Variants in DSCAML1 observed in about 807,000 individuals in gnomAD.
The protein encoded by DSCAML1 is cell adhesion molecule DSCAML1.
DSCAML1 carries 38 observed loss-of-function variants against 200.5 expected under a neutral mutation model. The observed-to-expected ratio is 0.19, with a 90% CI of 0.15 to 0.25. DSCAML1 has a LOEUF of 0.25. Among genes scored for constraint, DSCAML1 ranks in the 10% least tolerant of loss-of-function variants. DSCAML1 has a pLI of 1.00. For missense variants in DSCAML1, 2,223 were observed against 2,858.8 expected (o/e 0.78, Z 5.07); for synonymous variants, 1,215 against 1,165.0 (o/e 1.04, Z -0.87).
intron 3 of DSCAML1, among the ~76,000 whole-genome samples, chr11:117,595,089 C>CACACACACACACACACACACACACA (rs375717572): frequency 6.6e-6 from 1 of 151,390 alleles, no homozygotes; most frequent in Non-Finnish European, 1.5e-5. Context: ...CACACACACA[C>CACACACACACACACACACACACACA]CCTTTGATAT....
chr11:117,767,672 G>T (rs1001299291), intron 3 of DSCAML1, among the ~76,000 whole-genome samples: 6 of 152,194 alleles, frequency 3.9e-5, no homozygotes, highest in South Asian at 4.1e-4. Flanking sequence ...GAGGGAAACA[G>T]TAATTGCTGG....
intron 3 of DSCAML1, among the ~76,000 whole-genome samples, chr11:117,639,555 A>T (rs1201603157): frequency 6.7e-6 from 1 of 149,188 alleles, no homozygotes; most frequent in Non-Finnish European, 1.5e-5. Context: ...TGCCTTCCTA[A>T]TCTTGGGGCT....
At position 117,435,024 on chromosome 11, in the gene DSCAML1, A is replaced by G. The variant is rs116619371; in HGVS notation, c.4876+620T>C. Among the ~76,000 whole-genome samples the G allele has an allele frequency of 6.9e-3, 1,055 of 152,368 alleles. 7 individuals are homozygous for G. The highest frequency in any genetic ancestry group is 0.024 in the African/African-American group (1,015 of 41,592). ...TATAGTCTTGCAGTATCTATGATGAAGCAGACCCAATAAAAGTTTTCCAAA... is the reference window on the plus strand; with the variant it reads ...TATAGTCTTGCAGTATCTATGATGAGGCAGACCCAATAAAAGTTTTCCAAA... On this transcript the variant is annotated intron_variant, in intron 27 of 32. Coordinates refer to ENST00000651296, the MANE Select transcript of DSCAML1 (RefSeq NM_020693.4).
At chr11:117,679,443 T>C (rs1290897525) in intron 3 of DSCAML1, among the ~76,000 whole-genome samples, 1 of 152,240 alleles carries the variant, frequency 6.6e-6, no homozygotes, top group Non-Finnish European at 1.5e-5. Flanking sequence ...CCAAGGGCTA[T>C]TTTGAAACTT....
chr11:117,796,867 C>A (rs1002236680), intron 1 of DSCAML1, among the ~76,000 whole-genome samples, 167 bp downstream of exon 1: 1 of 152,116 alleles, frequency 6.6e-6, no homozygotes, highest in African/African-American at 2.4e-5. Flanking sequence ...GACTCTCACT[C>A]GGCCCCTGTC....
intron 14 of DSCAML1, among the ~76,000 whole-genome samples, chr11:117,479,711 C>T (rs1035521080): frequency 2.0e-5 from 3 of 152,034 alleles, no homozygotes; most frequent in Admixed American, 1.3e-4. Flanking sequence ...TGCAATGGCA[C>T]GATCTTGGTT....
At chr11:117,802,609 TC>T (rs2134085217) in intron 1 of DSCAML1, among the ~76,000 whole-genome samples, 1 of 152,292 alleles carries the variant, frequency 6.6e-6, no homozygotes, top group South Asian at 2.1e-4. Flanking sequence ...TATTGGAGTT[TC>T]TCGTCTCTAA....
At chr11:117,670,858 A>G (rs2053091682) in intron 3 of DSCAML1, among the ~76,000 whole-genome samples, 1 of 152,208 alleles carries the variant, frequency 6.6e-6, no homozygotes, top group Admixed American at 6.5e-5. Context: ...TGATGTTGAC[A>G]GTGAAATGAA....
intron 3 of DSCAML1, among the ~76,000 whole-genome samples, chr11:117,600,069 A>G (rs749339013): frequency 6.6e-5 from 10 of 152,346 alleles, no homozygotes; most frequent in African/African-American, 1.2e-4. Context: ...TAGAGCCCAC[A>G]TGGTAGAGGT....
intron 3 of DSCAML1, among the ~76,000 whole-genome samples, chr11:117,597,456 TTGTCTTTTTCGAG>T (rs2051384276): frequency 6.6e-6 from 1 of 152,182 alleles, no homozygotes; most frequent in Admixed American, 6.5e-5. Flanking sequence ...ATTATTTCTT[TTGTCTTTTTCGAG>T]ACGGAGTCTC....
At chr11:117,474,035 A>G (rs909036997) in intron 14 of DSCAML1, among the ~76,000 whole-genome samples, 1 of 152,092 alleles carries the variant, frequency 6.6e-6, no homozygotes, top group African/African-American at 2.4e-5. Context: ...ATTTTTGATG[A>G]GTGCACGCAG....
chr11:117,719,033 A>T (rs1334113880), intron 3 of DSCAML1, among the ~76,000 whole-genome samples: 1 of 152,176 alleles, frequency 6.6e-6, no homozygotes, highest in Non-Finnish European at 1.5e-5. Flanking sequence ...CATGGGCTAT[A>T]GTTTGTCAGT....
Position 117,486,280 on chromosome 11 carries a change from GGATGTGAAAATGGCA to G in DSCAML1, c.2360-4133_2360-4119del, listed in dbSNP as rs1426991371. Reference sequence around the variant, plus strand: ...GGAAAGTGGTGGATGGGAAAGTGGCGGATGTGAAAATGGCAGATGTGAAAGTAGTGGATGTGAAAG... The same window carrying G: ...GGAAAGTGGTGGATGGGAAAGTGGCGGATGTGAAAGTAGTGGATGTGAAAG... On this transcript the variant is annotated intron_variant, in intron 11 of 32. Transcript: ENST00000651296. 3.1e-3 allele frequency among the ~76,000 whole-genome samples: 443 copies of G among 142,772 alleles called. 2 individuals carry two copies. Among genetic ancestry groups the G allele is most frequent in the Admixed American group, 5.3e-3 (71 of 13,424 alleles). 93.7% of individuals were successfully genotyped at this position (142,772 alleles called of 152,430 possible).
intron 3 of DSCAML1, among the ~76,000 whole-genome samples, chr11:117,546,352 A>T (rs753353486): frequency 2.0e-5 from 3 of 152,230 alleles, no homozygotes; most frequent in African/African-American, 7.2e-5. Flanking sequence ...TGTGACAATT[A>T]CCAGTTAACG....
chr11:117,654,928 T>C (rs1814230488), intron 3 of DSCAML1, among the ~76,000 whole-genome samples: 2 of 152,120 alleles, frequency 1.3e-5, no homozygotes, highest in African/African-American at 4.8e-5. Flanking sequence ...CCCCAGGATG[T>C]AAAATATAGA....
chr11:117,444,167 T>C, intron 20 of DSCAML1, 128 bp from the exon 21 acceptor site: 1 of 1,162,912 alleles, frequency 8.6e-7, no homozygotes, highest in Non-Finnish European at 1.2e-6. Context: ...TTCTGTCCTA[T>C]TTGCCCTTTC....
intron 8 of DSCAML1, among the ~76,000 whole-genome samples, chr11:117,514,309 G>A (rs932846991): frequency 3.9e-5 from 6 of 152,230 alleles, no homozygotes; most frequent in Admixed American, 3.3e-4. Flanking sequence ...TTGTGACACA[G>A]ATGCTCAGGA....
Position 117,439,294 on chromosome 11 carries a change from G to A in DSCAML1, c.4116C>T (p.Asp1372=). The A allele has an allele frequency of 3.1e-6, 5 of 1,614,108 alleles. No homozygotes were observed. Among genetic ancestry groups the A allele is most frequent in the Middle Eastern group, 1.7e-4 (1 of 6,060 alleles). Residue 1372 remains aspartate, a synonymous_variant, in exon 23 of 33, where the codon GAC becomes GAT. Transcript: ENST00000651296. ...GCACCAGAAGGTTGACGATGATGGT[G>A]TCAAAGCCACCAGTGTTGGTGGCCG... ...TCTATNTGGF[D]TIIVNLLVQV... is the part of the protein sequence containing the mutation.
intron 3 of DSCAML1, among the ~76,000 whole-genome samples, chr11:117,543,683 C>G (rs2050315303): frequency 1.3e-5 from 2 of 152,150 alleles, no homozygotes; most frequent in African/African-American, 4.8e-5. Context: ...TTGCTCACCC[C>G]CAAATTAGGG....
Sources: allele counts gnomAD v4.1 joint callset (sites outside exome capture counted in the v4.1 genomes callset), GRCh38; gene constraint gnomAD v4.1.1; transcripts MANE v1.5; gene names NCBI Gene and HGNC (gene_info 2026-07-23, HGNC 2026-07-21).